Variants in ZC3H4 observed in about 807,000 individuals in gnomAD.
The protein encoded by ZC3H4 is zinc finger CCCH-type containing 4, also known as zinc finger CCCH domain-containing protein 4.
In ZC3H4, 13 loss-of-function variants were observed where a neutral mutation model predicts 108.3. The observed-to-expected ratio is 0.12, with a 90% confidence interval of 0.08 to 0.19. The LOEUF (loss-of-function observed/expected upper bound fraction) is 0.19, where lower values mean the gene tolerates loss of function less well. Among genes scored for constraint, ZC3H4 ranks in the 10% least tolerant of loss-of-function variants. The probability of loss-of-function intolerance (pLI) is 1.00; values close to 1 mark genes in which losing one functional copy is unlikely to be tolerated. For synonymous variants in ZC3H4, 917 were observed against 749.6 expected (o/e 1.22, Z -3.65); for missense variants, 1,734 against 1,838.8 (o/e 0.94, Z 1.04).
Position 47,072,290 on chromosome 19 carries a change from G to A in ZC3H4, c.1802+62C>T. 1 of 1,545,370 alleles carries A rather than the reference G, an allele frequency of 6.5e-7. No individual in the cohort carries two copies. Among genetic ancestry groups the A allele is most frequent in the Non-Finnish European group, 8.8e-7 (1 of 1,137,224 alleles). On this transcript the variant is annotated intron_variant, in intron 12 of 14. Transcript: ENST00000253048. The surrounding 1 kb of genome is among the most constrained non-coding windows in gnomAD (Gnocchi z 5.6). ...CCCACAGCCAGGCTTGCCCTAACAA[G>A]AGGAGCCTGGCTGGGCCCAGGACAG...
At chr19:47,104,912 T>C (rs1389478743) in intron 2 of ZC3H4, among the ~76,000 whole-genome samples, 2 of 151,766 alleles carry the variant, frequency 1.3e-5, no homozygotes, top group African/African-American at 4.8e-5. Context: ...ATAGCAGGGA[T>C]GTAATGGCCA....
At position 47,068,365 on chromosome 19, in the gene ZC3H4, C is replaced by T. The variant is rs1457378062; in HGVS notation, c.2399-496G>A. ...CACCATTGACTCAGTTCTGGCTGGG[C>T]CTGGGGCTCAGAGACACTTGACCCC... On this transcript the variant is annotated intron_variant, in intron 14 of 14. Coordinates refer to ENST00000253048, the MANE Select transcript of ZC3H4 (RefSeq NM_015168.2). Among the ~76,000 whole-genome samples the T allele has an allele frequency of 2.6e-5, 4 of 152,316 alleles. No homozygotes were observed. In the East Asian group the frequency reaches 7.7e-4, roughly 30 times the overall value.
chr19:47,066,563 G>T lies in ZC3H4; in HGVS notation c.3705C>A (p.Thr1235=). 2 of 1,579,454 alleles carry T rather than the reference G, an allele frequency of 1.3e-6. 1 individual carries two copies. Among genetic ancestry groups the T allele is most frequent in the Middle Eastern group, 3.7e-4 (2 of 5,394 alleles). ...AAAAPAATTA[T]PPPEGAPPQP... ...GGGGTGGGGCACCCTCGGGGGGTGG[G>T]GTGGCGGTGGTGGCAGCGGGGGCTG... is the stretch of plus-strand genomic sequence containing the variant. The change falls in exon 15 of 15, where the codon ACC becomes ACA. Residue 1235 remains threonine, a synonymous_variant. Transcript: ENST00000253048.
intron 4 of ZC3H4, among the ~76,000 whole-genome samples, chr19:47,092,283 C>T (rs1161074568): frequency 2.0e-5 from 3 of 152,196 alleles, no homozygotes; most frequent in African/African-American, 7.2e-5. Flanking sequence ...ATGCAAAATA[C>T]AGCTAGACAC....
At chr19:47,104,607 A>G (rs1172576390) in intron 2 of ZC3H4, among the ~76,000 whole-genome samples, 2 of 152,238 alleles carry the variant, frequency 1.3e-5, no homozygotes, top group African/African-American at 4.8e-5. Context: ...ACTTTGACAC[A>G]AACTCATTCA....
intron 4 of ZC3H4, among the ~76,000 whole-genome samples, chr19:47,092,670 A>G (rs2057754498): frequency 6.6e-6 from 1 of 151,984 alleles, no homozygotes; most frequent in Non-Finnish European, 1.5e-5. Context: ...TACAAAAATC[A>G]GCCGGGCAAG....
Position 47,083,322 on chromosome 19 carries a change from A to AAG in ZC3H4, c.1218+1021_1218+1022dup, listed in dbSNP as rs796657173. Among the ~76,000 whole-genome samples, 242 of 148,814 alleles carry AAG rather than the reference A, an allele frequency of 1.6e-3. 1 individual carries two copies. Among genetic ancestry groups the AAG allele is most frequent in the East Asian group, 0.014 (71 of 4,982 alleles). On this transcript the variant is annotated intron_variant, in intron 9 of 14. Transcript: ENST00000253048. Reference sequence around the variant, plus strand: ...GTCTAAAAAAAATTAAAAAAAAAAAAAGAGAGAGAGAGAGAGAGAGATGGG... The same window carrying AAG: ...GTCTAAAAAAAATTAAAAAAAAAAAAAGAGAGAGAGAGAGAGAGAGAGATGGG...
At chr19:47,096,531 G>A (rs1279736422) in intron 2 of ZC3H4, among the ~76,000 whole-genome samples, 3 of 152,266 alleles carry the variant, frequency 2.0e-5, no homozygotes, top group Non-Finnish European at 4.4e-5. Context: ...CCCGCCGCCA[G>A]GAGCTGTGCA....
chr19:47,110,558 C>T (rs2058024836), intron 2 of ZC3H4, among the ~76,000 whole-genome samples: 1 of 152,140 alleles, frequency 6.6e-6, no homozygotes, highest in South Asian at 2.1e-4. Context: ...TCACTTTGGT[C>T]TAAAGGCGAG....
At chr19:47,100,966 G>C (rs990673579) in intron 2 of ZC3H4, among the ~76,000 whole-genome samples, 4 of 152,002 alleles carry the variant, frequency 2.6e-5, no homozygotes, top group African/African-American at 4.8e-5. Flanking sequence ...CCAAAGTGCT[G>C]GGATTACAGG....
At position 47,086,640 on chromosome 19, in the gene ZC3H4, CCTCCTCCTCCTT is replaced by C. The variant is rs886796947; in HGVS notation, c.716-114_716-103del. 3.3e-5 allele frequency: 47 copies of C among 1,428,938 alleles called. No homozygotes were observed. In the South Asian group the frequency reaches 5.3e-4, roughly 16 times the overall value. 88.5% of individuals were successfully genotyped at this position (1,428,938 alleles called of 1,614,324 possible). A position where few individuals can be genotyped will look rare whatever the true frequency, so the allele number is the denominator to read the frequency against. ...CTCCTGAGGTCAATCACTTCAGCTG[CCTCCTCCTCCTT>C]CTCCTCCTCCTCCTCCTCCAAGAAG... On this transcript the variant is annotated intron_variant, in intron 5 of 14. Transcript: ENST00000253048.
At chr19:47,105,273 A>G (rs893459400) in intron 2 of ZC3H4, among the ~76,000 whole-genome samples, 3 of 152,182 alleles carry the variant, frequency 2.0e-5, no homozygotes, top group Non-Finnish European at 2.9e-5. Context: ...GCCACTGATG[A>G]TATAAATGAA....
At chr19:47,096,694 A>G (rs2057826173) in intron 2 of ZC3H4, 1 of 648,852 alleles carries the variant, frequency 1.5e-6, no homozygotes, top group Non-Finnish European at 1.9e-6. Context: ...GCTAAGAACA[A>G]CATTACTCTC....
chr19:47,112,009 A>G, intron 2 of ZC3H4: 11 of 544,598 alleles, frequency 2.0e-5, no homozygotes, highest in Non-Finnish European at 2.6e-5. Flanking sequence ...AAGCCAGGCG[A>G]CGGGCAAGCG....
intron 2 of ZC3H4, among the ~76,000 whole-genome samples, chr19:47,107,658 A>G (rs1267051791): frequency 2.2e-5 from 3 of 137,146 alleles, no homozygotes; most frequent in Non-Finnish European, 4.6e-5. Context: ...TTCTGTTAAG[A>G]AAAAAAAAAA....
chr19:47,112,180 A>C, intron 2 of ZC3H4: 9 of 1,180,556 alleles, frequency 7.6e-6, no homozygotes, highest in Non-Finnish European at 9.4e-6. Flanking sequence ...AAAAAGACAG[A>C]GCGAGAGCGA....
chr19:47,066,229 C>G lies in ZC3H4; in HGVS notation c.*127G>C, dbSNP rs772651632. ...AAAAAAAAATAAAAGAGACGGAAAG[C>G]AAAAGAAAAAGAAAAGAAAAAAGGA... On this transcript the variant is annotated 3_prime_UTR_variant, in exon 15 of 15. Transcript: ENST00000253048. 1.4e-6 allele frequency: 1 copy of G among 698,636 alleles called. No individual in the cohort carries two copies. Among genetic ancestry groups the G allele is most frequent in the Non-Finnish European group, 2.2e-6 (1 of 458,248 alleles). The allele number at this position is 698,636 out of a possible 1,614,324, so 43.3% of individuals were successfully genotyped here. A position where few individuals can be genotyped will look rare whatever the true frequency, so the allele number is the denominator to read the frequency against.
intron 13 of ZC3H4, 91 bp from the exon 14 acceptor site, chr19:47,069,434 A>C (rs930482000): frequency 6.8e-7 from 1 of 1,476,436 alleles, no homozygotes; most frequent in Non-Finnish European, 9.1e-7. Context: ...ACCCACACCG[A>C]TGGCGATGGA....
At position 47,085,421 on chromosome 19, in the gene ZC3H4, T is replaced by C. The variant is rs1247288716; in HGVS notation, c.871-7A>G. 6.4e-7 allele frequency: 1 copy of C among 1,573,034 alleles called. No individual in the cohort carries two copies. Among genetic ancestry groups the C allele is most frequent in the Non-Finnish European group, 8.6e-7 (1 of 1,161,082 alleles). On this transcript the variant is annotated splice_region_variant and splice_polypyrimidine_tract_variant and intron_variant, in intron 6 of 14. Coordinates refer to ENST00000253048, the MANE Select transcript of ZC3H4 (RefSeq NM_015168.2). ...GCTCCTCACTCTCTCCATACTGGAA[T>C]GCGCAGAGGAGAGGGCAGGAGAGCG...
Sources: gnomAD v4.1 joint callset for allele counts (sites outside exome capture counted in the v4.1 genomes callset) on GRCh38, gnomAD v4.1.1 for gene constraint, Gnocchi (gnomAD v3.1) non-coding constraint, MANE v1.5 for transcripts, NCBI Gene and HGNC (gene_info 2026-07-23, HGNC 2026-07-21) for gene names.